PTCHD4: variants seen among roughly 807,000 people sequenced by gnomAD.
The protein encoded by PTCHD4 is patched domain-containing protein 4.
In PTCHD4, 33 loss-of-function variants were observed where a neutral mutation model predicts 58.1. The ratio of observed to expected loss-of-function variants is 0.57; its 90% CI spans 0.43 to 0.76. PTCHD4 has a LOEUF of 0.76. PTCHD4 is among the 30% of genes least tolerant of loss of function. The pLI is 0.00. For missense variants in PTCHD4, 1,058 were observed against 1,027.1 expected (o/e 1.03, Z -0.41); for synonymous variants, 478 against 409.6 (o/e 1.17, Z -2.02).
intron 1 of PTCHD4, among the ~76,000 whole-genome samples, chr6:48,072,948 A>G (rs1327143694): frequency 2.0e-5 from 3 of 152,096 alleles, no homozygotes; most frequent in Non-Finnish European, 2.9e-5. Flanking sequence ...TGGTTGCTCA[A>G]TTTTTATACT....
intron 4 of PTCHD4, among the ~76,000 whole-genome samples, chr6:47,935,780 A>G: frequency 6.6e-6 from 1 of 152,204 alleles, no homozygotes. Context: ...TCTCATTGAT[A>G]TATTCTGATG....
chr6:47,930,529 C>T (rs760994548), intron 4 of PTCHD4, among the ~76,000 whole-genome samples: 6 of 152,050 alleles, frequency 3.9e-5, no homozygotes, highest in South Asian at 2.1e-4. Flanking sequence ...ATCCAAGACA[C>T]ACATTAAAGA....
At chr6:47,985,020 G>A (rs1768009175) in intron 4 of PTCHD4, among the ~76,000 whole-genome samples, 1 of 151,878 alleles carries the variant, frequency 6.6e-6, no homozygotes, top group African/African-American at 2.4e-5. Flanking sequence ...TCCAAATATG[G>A]GAATTTCAAA....
rs79133166 is a variant in PTCHD4 at position 47,958,430 on chromosome 6, A to G, written c.898+50204T>C. On this transcript the variant is annotated intron_variant, in intron 4 of 4. Coordinates refer to ENST00000339488, the MANE Select transcript of PTCHD4 (RefSeq NM_001384253.1). ...TTTTTCAAAATATGGGCATCAGACAACTAAAGACAGTGATCCCTGAGAACG... is the reference window on the plus strand; with the variant it reads ...TTTTTCAAAATATGGGCATCAGACAGCTAAAGACAGTGATCCCTGAGAACG... Among the ~76,000 whole-genome samples the G allele has an allele frequency of 2.0e-3, 310 of 152,316 alleles. 1 individual carries two copies. The highest frequency in any genetic ancestry group is 3.6e-3 in the Non-Finnish European group (244 of 68,022).
intron 4 of PTCHD4, among the ~76,000 whole-genome samples, chr6:47,929,087 C>T (rs1489817688): frequency 1.3e-5 from 2 of 152,034 alleles, no homozygotes; most frequent in Non-Finnish European, 2.9e-5. Context: ...ACATTGGTAT[C>T]TAATATTTCA....
rs1385516248 is a variant in PTCHD4 at position 47,857,958 on chromosome 6, A to G, written c.*20345T>C. On this transcript the variant is annotated 3_prime_UTR_variant, in exon 5 of 5. Transcript: ENST00000339488. Reference sequence around the variant, plus strand: ...CTTGAAGACTAACAATAACATGTTTAAGGATGTCATTTGTTTCACATCTCA... The same window carrying G: ...CTTGAAGACTAACAATAACATGTTTGAGGATGTCATTTGTTTCACATCTCA... 6.6e-6 allele frequency among the ~76,000 whole-genome samples: 1 copy of G among 152,028 alleles called. No individual in the cohort carries two copies. The highest frequency in any genetic ancestry group is 1.5e-5 in the Non-Finnish European group (1 of 67,970).
rs551038200 is a variant in PTCHD4, at chr6:48,060,119, T to A, written c.417+8111A>T. 3.9e-5 allele frequency among the ~76,000 whole-genome samples: 6 copies of A among 152,344 alleles called. No homozygotes were observed. In the South Asian group the frequency reaches 1.2e-3, roughly 32 times the overall value. On this transcript the variant is annotated intron_variant, in intron 3 of 4. Coordinates refer to ENST00000339488, the MANE Select transcript of PTCHD4 (RefSeq NM_001384253.1). ...CTGTTTTGTCTCACTGAATCTCCAG[T>A]GGCCAACACATTGCATGTGACTTAG...
intron 1 of PTCHD4, among the ~76,000 whole-genome samples, chr6:48,101,362 A>C (rs1419236397): frequency 1.3e-5 from 2 of 152,232 alleles, no homozygotes; most frequent in African/African-American, 4.8e-5. Context: ...TTATTCTCCT[A>C]GCTGTAACAG....
chr6:47,928,851 G>T (rs1765717593), intron 4 of PTCHD4, among the ~76,000 whole-genome samples: 1 of 152,114 alleles, frequency 6.6e-6, no homozygotes, highest in African/African-American at 2.4e-5. Context: ...GAATGAATGA[G>T]TTATAATAAT....
chr6:48,049,287 C>G (rs1328970148), intron 3 of PTCHD4, among the ~76,000 whole-genome samples: 1 of 151,370 alleles, frequency 6.6e-6, no homozygotes, highest in Non-Finnish European at 1.5e-5. Context: ...ATCATCTGGC[C>G]CCAAATAGTG....
At chr6:47,966,234 C>A (rs926594007) in intron 4 of PTCHD4, among the ~76,000 whole-genome samples, 3 of 152,130 alleles carry the variant, frequency 2.0e-5, no homozygotes. Context: ...GAGCATCACA[C>A]TAAAGTAAGT....
chr6:47,982,897 A>G (rs1196411755), intron 4 of PTCHD4, among the ~76,000 whole-genome samples: 1 of 152,212 alleles, frequency 6.6e-6, no homozygotes, highest in African/African-American at 2.4e-5. Flanking sequence ...ATAGTACAAG[A>G]TGACTTCCAA....
intron 3 of PTCHD4, among the ~76,000 whole-genome samples, chr6:48,047,641 G>A (rs1469987077): frequency 4.0e-5 from 6 of 151,768 alleles, no homozygotes; most frequent in Non-Finnish European, 8.8e-5. Flanking sequence ...CTATTTGAAG[G>A]TGGGGCCTTT....
chr6:47,911,546 AG>A (rs1765069154), intron 4 of PTCHD4, among the ~76,000 whole-genome samples: 1 of 152,090 alleles, frequency 6.6e-6, no homozygotes, highest in Admixed American at 6.6e-5. Flanking sequence ...ATGAAGTTGG[AG>A]GAAAGGAGTA....
chr6:47,905,039 G>A (rs955265237), intron 4 of PTCHD4, among the ~76,000 whole-genome samples: 6 of 42,010 alleles, frequency 1.4e-4, no homozygotes, highest in Non-Finnish European at 3.0e-4. Flanking sequence ...AGAAAATACA[G>A]CCATCACACA....
chr6:48,089,229 G>C (rs552632392), intron 1 of PTCHD4, among the ~76,000 whole-genome samples: 127 of 152,260 alleles, frequency 8.3e-4, no homozygotes, highest in African/African-American at 2.9e-3. Context: ...TACCATGTCT[G>C]TATTCTAAAG....
chr6:47,975,937 G>T (rs992051017), intron 4 of PTCHD4, among the ~76,000 whole-genome samples: 1 of 152,132 alleles, frequency 6.6e-6, no homozygotes, highest in Non-Finnish European at 1.5e-5. Context: ...TCCCATTTCT[G>T]CCCCTTTTGA....
intron 4 of PTCHD4, among the ~76,000 whole-genome samples, chr6:47,925,949 T>A (rs1034918832): frequency 1.3e-5 from 2 of 152,160 alleles, no homozygotes; most frequent in Non-Finnish European, 2.9e-5. Flanking sequence ...AGGCTGAGGC[T>A]GGGGGTTGGC....
At chr6:48,101,889 G>A (rs1765610771) in intron 1 of PTCHD4, among the ~76,000 whole-genome samples, 1 of 152,146 alleles carries the variant, frequency 6.6e-6, no homozygotes, top group African/African-American at 2.4e-5. Flanking sequence ...GTTGGATGAA[G>A]GGATTGGGAG....
Sources: gnomAD v4.1 joint callset for allele counts (sites outside exome capture counted in the v4.1 genomes callset) on GRCh38, gnomAD v4.1.1 for gene constraint, MANE v1.5 for transcripts, NCBI Gene and HGNC (gene_info 2026-07-23, HGNC 2026-07-21) for gene names.